Variants in SCARB1 observed in about 807,000 individuals in gnomAD.
SCARB1 encodes CD36 and LIMPII analogous 1.
SCARB1 carries 30 observed loss-of-function variants against 57.2 expected under a neutral mutation model. The observed-to-expected ratio is 0.52, with a 90% CI of 0.39 to 0.71. The LOEUF is 0.71. Among genes scored for constraint, SCARB1 ranks in the 30% least tolerant of loss-of-function variants. The pLI, the probability that SCARB1 is intolerant of heterozygous loss-of-function variation, is 0.00. For missense variants in SCARB1, 543 were observed against 671.2 expected, an observed-to-expected ratio of 0.81 and a Z score of 2.11; for synonymous variants, 249 against 268.3, an observed-to-expected ratio of 0.93 and a Z score of 0.70.
At position 124,814,721 on chromosome 12, in the gene SCARB1, G is replaced by C. The variant is rs1950638691; in HGVS notation, c.426+252C>G. 6.6e-6 allele frequency among the ~76,000 whole-genome samples: 1 copy of C among 152,206 alleles called. No homozygotes were observed. The highest frequency in any genetic ancestry group is 1.5e-5 in the Non-Finnish European group (1 of 68,044). On this transcript the variant is annotated intron_variant, in intron 3 of 12. Transcript: ENST00000261693. This position sits in a 1 kb window ranked among gnomAD's most constrained non-coding sequence, Gnocchi z 4.7. ...AAGACAGCCCCTTTTGGAGATCTCA[G>C]AAATGTAAATTGAAAAGGGAAAAAA...
At chr12:124,833,040 T>G (rs1421381022) in intron 1 of SCARB1, among the ~76,000 whole-genome samples, 2 of 152,050 alleles carry the variant, frequency 1.3e-5, no homozygotes, top group East Asian at 3.9e-4. Flanking sequence ...GGCCTCCGCA[T>G]TCCTTGGCTC....
At chr12:124,855,425 C>G (rs772645339) in intron 1 of SCARB1, among the ~76,000 whole-genome samples, 4 of 152,170 alleles carry the variant, frequency 2.6e-5, no homozygotes, top group African/African-American at 4.8e-5. Context: ...AGGGAGCCAG[C>G]CCCTGGGCCC....
chr12:124,850,334 C>T (rs1952343013), intron 1 of SCARB1, among the ~76,000 whole-genome samples: 1 of 152,080 alleles, frequency 6.6e-6, no homozygotes, highest in Non-Finnish European at 1.5e-5. Context: ...GATCATGCCA[C>T]TGCACTCCAG....
Position 124,794,400 on chromosome 12 carries a change from C to CTTTTTTTTT in SCARB1, c.1202+786_1202+794dup, listed in dbSNP as rs3043265. Among the ~76,000 whole-genome samples, 216 of 119,848 alleles carry CTTTTTTTTT rather than the reference C, an allele frequency of 1.8e-3. 5 individuals are homozygous for CTTTTTTTTT. The highest frequency in any genetic ancestry group is 7.2e-3 in the East Asian group (27 of 3,772). 78.6% of individuals were successfully genotyped at this position (119,848 alleles called of 152,430 possible). On this transcript the variant is annotated intron_variant, in intron 9 of 12. Transcript: ENST00000261693. ...AGAGGAAATCAGTGCTTGAAAAATT[C>CTTTTTTTTT]TTTTTTTTTTTTTTTTTTGAGACGG... is the stretch of plus-strand genomic sequence containing the variant.
In SCARB1 at chr12:124,796,103, G is replaced by A. The variant is rs1566151715; in HGVS notation, c.1129-835C>T. 6.6e-6 allele frequency among the ~76,000 whole-genome samples: 1 copy of A among 152,202 alleles called. No individual in the cohort carries two copies. The highest frequency in any genetic ancestry group is 2.4e-5 in the African/African-American group (1 of 41,450). ...CCAGTAGCTGGGACTACAGGTGTGC[G>A]CCAGCACACTCGGCTAATTTTTGTA... On this transcript the variant is annotated intron_variant, in intron 8 of 12. Transcript: ENST00000261693. This position sits in a 1 kb window ranked among gnomAD's most constrained non-coding sequence, Gnocchi z 4.0.
chr12:124,851,786 T>C (rs1462524545), intron 1 of SCARB1, among the ~76,000 whole-genome samples: 1 of 151,872 alleles, frequency 6.6e-6, no homozygotes, highest in African/African-American at 2.4e-5. Context: ...TTTGTGTTTT[T>C]AGTAGAGATG....
At position 124,822,730 on chromosome 12, in the gene SCARB1, C is replaced by CA. The variant is rs2135712596; in HGVS notation, c.127-5024dup. On this transcript the variant is annotated intron_variant, in intron 1 of 12. Transcript: ENST00000261693. This position sits in a 1 kb window ranked among gnomAD's most constrained non-coding sequence, Gnocchi z 5.0. ...TGAAACCGTGTCTCTACTAAAAATA[C>CA]AAAAAATATTAGCCGGGCATGGTGG... Among the ~76,000 whole-genome samples the CA allele has an allele frequency of 6.6e-6, 1 of 152,114 alleles. No homozygotes were observed. The highest frequency in any genetic ancestry group is 2.4e-5 in the African/African-American group (1 of 41,512).
At position 124,800,071 on chromosome 12, in the gene SCARB1, G is replaced by A; in HGVS notation, c.1128+53C>T. ...GCCTGGGGAGAGAGGAGGCAGCCAGGTGTGCTCCAACCAGGAATCACCCAC... is the reference window on the plus strand; with the variant it reads ...GCCTGGGGAGAGAGGAGGCAGCCAGATGTGCTCCAACCAGGAATCACCCAC... On this transcript the variant is annotated intron_variant, in intron 8 of 12. Coordinates refer to ENST00000261693, the MANE Select transcript of SCARB1 (RefSeq NM_005505.5). The surrounding 1 kb of genome is among the most constrained non-coding windows in gnomAD (Gnocchi z 4.8). 7.5e-7 allele frequency: 1 copy of A among 1,337,432 alleles called. No individual in the cohort carries two copies. The highest frequency in any genetic ancestry group is 1.1e-6 in the Non-Finnish European group (1 of 929,674). 82.8% of individuals were successfully genotyped at this position (1,337,432 alleles called of 1,614,324 possible).
At chr12:124,803,490 G>A (rs1950207295) in intron 7 of SCARB1, among the ~76,000 whole-genome samples, 1 of 151,996 alleles carries the variant, frequency 6.6e-6, no homozygotes, top group South Asian at 2.1e-4. Flanking sequence ...AGGATCAATT[G>A]AGTGATGGAG....
In SCARB1 at chr12:124,778,408, G is replaced by A. The variant is rs1872712984; in HGVS notation, c.*179C>T. On this transcript the variant is annotated 3_prime_UTR_variant, in exon 13 of 13. Coordinates refer to ENST00000261693, the MANE Select transcript of SCARB1 (RefSeq NM_005505.5). ...TGTCTGCACAAGCCTGCACGCATGT[G>A]TGTATGTGTGCCAGGGCGTGTGTGC... 5 of 1,267,498 alleles carry A rather than the reference G, an allele frequency of 3.9e-6. No homozygotes were observed. The highest frequency in any genetic ancestry group is 5.0e-6 in the Non-Finnish European group (5 of 1,003,080). The allele number at this position is 1,267,498 out of a possible 1,614,324, so 78.5% of individuals were successfully genotyped here. A position where few individuals can be genotyped will look rare whatever the true frequency, so the allele number is the denominator to read the frequency against.
At chr12:124,832,059 G>A (rs997901285) in intron 1 of SCARB1, among the ~76,000 whole-genome samples, 2 of 152,158 alleles carry the variant, frequency 1.3e-5, no homozygotes, top group Admixed American at 1.3e-4. Context: ...AAGGAGAAAC[G>A]AAGGAAACGT....
chr12:124,812,088 G>T lies in SCARB1; in HGVS notation c.631-123C>A. 4.0e-6 allele frequency: 3 copies of T among 757,786 alleles called. No homozygotes were observed. The highest frequency in any genetic ancestry group is 4.7e-6 in the Non-Finnish European group (2 of 429,874). The allele number at this position is 757,786 out of a possible 1,614,324, so 46.9% of individuals were successfully genotyped here. A position where few individuals can be genotyped will look rare whatever the true frequency, so the allele number is the denominator to read the frequency against. ...AGAAGGACAGGGCCCCCAGCATCTGGTTCACTGCCAAATGCCCAGTGTCTG... is the reference window on the plus strand; with the variant it reads ...AGAAGGACAGGGCCCCCAGCATCTGTTTCACTGCCAAATGCCCAGTGTCTG... On this transcript the variant is annotated intron_variant, in intron 4 of 12. Transcript: ENST00000261693. The surrounding 1 kb of genome is among the most constrained non-coding windows in gnomAD (Gnocchi z 4.3).
chr12:124,808,512 T>A (rs1950404524), intron 6 of SCARB1, among the ~76,000 whole-genome samples: 1 of 152,144 alleles, frequency 6.6e-6, no homozygotes, highest in South Asian at 2.1e-4. Context: ...GCCCTTTGCA[T>A]CACTGCTCCC....
chr12:124,810,404 A>G lies in SCARB1; in HGVS notation c.727-115T>C, dbSNP rs1950480236. On this transcript the variant is annotated intron_variant, in intron 5 of 12. Coordinates refer to ENST00000261693, the MANE Select transcript of SCARB1 (RefSeq NM_005505.5). The surrounding 1 kb of genome is among the most constrained non-coding windows in gnomAD (Gnocchi z 4.0). ...TGCACGCACGGCCACTCAATTCCCA[A>G]TACTGGCACGGTGGGAAGAGGGCAG... 3 of 738,984 alleles carry G rather than the reference A, an allele frequency of 4.1e-6. No homozygotes were observed. The highest frequency in any genetic ancestry group is 1.5e-5 in the South Asian group (1 of 68,266). The allele number at this position is 738,984 out of a possible 1,614,324, so 45.8% of individuals were successfully genotyped here.
Position 124,814,935 on chromosome 12 carries a change from C to T in SCARB1, c.426+38G>A. 1.2e-6 allele frequency: 2 copies of T among 1,613,442 alleles called. No homozygotes were observed. The highest frequency in any genetic ancestry group is 8.5e-7 in the Non-Finnish European group (1 of 1,179,804). On this transcript the variant is annotated intron_variant, in intron 3 of 12. Transcript: ENST00000261693. This position sits in a 1 kb window ranked among gnomAD's most constrained non-coding sequence, Gnocchi z 4.7. ...CGGGAGGAGAGACAGGGGACGAGGT[C>T]AGGGTGCGAGGCGGCGTGGGCCACA...
In SCARB1 at chr12:124,812,616, C is replaced by T. The variant is rs926905005; in HGVS notation, c.631-651G>A. 6.6e-5 allele frequency among the ~76,000 whole-genome samples: 10 copies of T among 152,176 alleles called. No homozygotes were observed. Among genetic ancestry groups the T allele is most frequent in the African/African-American group, 1.9e-4 (8 of 41,446 alleles). ...TAGTGGGGCCCAGGCTTTGGTGCTC[C>T]GAGAGCATTTCCCAGAAGCTGGTTT... On this transcript the variant is annotated intron_variant, in intron 4 of 12. Coordinates refer to ENST00000261693, the MANE Select transcript of SCARB1 (RefSeq NM_005505.5). The surrounding 1 kb of genome is among the most constrained non-coding windows in gnomAD (Gnocchi z 4.3).
intron 1 of SCARB1, among the ~76,000 whole-genome samples, chr12:124,829,119 AG>A (rs1272681974): frequency 6.6e-6 from 1 of 152,236 alleles, no homozygotes; most frequent in East Asian, 1.9e-4. Context: ...CTAAAATAAA[AG>A]GTTTTTACAA....
intron 1 of SCARB1, among the ~76,000 whole-genome samples, chr12:124,819,546 G>C (rs914600199): frequency 1.3e-5 from 2 of 152,006 alleles, no homozygotes; most frequent in African/African-American, 4.8e-5. Flanking sequence ...GTCCCCCCTA[G>C]TCCACCTGAC....
intron 1 of SCARB1, among the ~76,000 whole-genome samples, chr12:124,852,207 A>C (rs2135830820): frequency 6.6e-6 from 1 of 152,132 alleles, no homozygotes; most frequent in Admixed American, 6.5e-5. Flanking sequence ...CCTTCTGGCT[A>C]CTCCACCTTC....
Sources: allele counts gnomAD v4.1 joint callset (sites outside exome capture counted in the v4.1 genomes callset), GRCh38; gene constraint gnomAD v4.1.1; non-coding constraint Gnocchi (gnomAD v3.1); transcripts MANE v1.5; gene names NCBI Gene and HGNC (gene_info 2026-07-23, HGNC 2026-07-21).